The following LYRM4 variants were observed in gnomAD, a reference collection of about 807,000 sequenced individuals.
LYRM4 encodes the protein LYR motif-containing protein 4.
Under a neutral mutation model 11.7 loss-of-function variants are expected in LYRM4, and 9 were observed. That is an observed-to-expected ratio of 0.77 (90% confidence interval 0.46 to 1.34). LYRM4 has a LOEUF of 1.34. Ranked by LOEUF, LYRM4 falls within the 40% of genes most tolerant of loss-of-function variation. The pLI, the probability that LYRM4 is intolerant of heterozygous loss-of-function variation, is 0.00. For missense variants in LYRM4, 133 were observed against 112.5 expected (o/e 1.18, Z -0.82); for synonymous variants, 42 against 40.4 (o/e 1.04, Z -0.15).
chr6:5,034,808 G>A, the LYRM4 span: 1 of 94,656 alleles, frequency 1.1e-5, no homozygotes, highest in African/African-American at 3.6e-5. Flanking sequence ...GAGTCTGAAA[G>A]CCAAAGAAGT....
rs566026777 is a variant in LYRM4, at chr6:5,130,148, C to T, written c.208-20657G>A. 4.6e-5 allele frequency among the ~76,000 whole-genome samples: 7 copies of T among 152,322 alleles called. No individual in the cohort carries two copies. In the South Asian group the frequency reaches 1.0e-3, roughly 23 times the overall value. ...TATGCTTCCCCTGTTCCCACCCCAG[C>T]GCTGGGGGAGACACTGGTGTGAGTG... On this transcript the variant is annotated intron_variant, in intron 2 of 2. Coordinates refer to ENST00000330636, the MANE Select transcript of LYRM4 (RefSeq NM_020408.6).
At chr6:5,037,764 G>A in the LYRM4 span, among the ~76,000 whole-genome samples, 2 of 57,932 alleles carry the variant, frequency 3.5e-5, no homozygotes, top group African/African-American at 8.9e-5. Context: ...AGGGGCGGCC[G>A]GGCAGAGGCG....
chr6:5,152,669 T>C (rs1339037522), intron 2 of LYRM4, among the ~76,000 whole-genome samples: 1 of 152,236 alleles, frequency 6.6e-6, no homozygotes, highest in East Asian at 1.9e-4. Flanking sequence ...GTGCCTGAGC[T>C]GATGCCTAGC....
intron 1 of LYRM4, among the ~76,000 whole-genome samples, chr6:5,217,957 CCAGG>C (rs1762370639): frequency 6.6e-6 from 1 of 152,022 alleles, no homozygotes; most frequent in Non-Finnish European, 1.5e-5. Flanking sequence ...CCTCTGTTGC[CCAGG>C]CAGTGTCATG....
intron 2 of LYRM4, among the ~76,000 whole-genome samples, chr6:5,164,573 TGGA>T (rs1178223604): frequency 6.6e-6 from 1 of 152,118 alleles, no homozygotes; most frequent in African/African-American, 2.4e-5. Flanking sequence ...TGATTGGTGG[TGGA>T]GTATAGTGAC....
chr6:5,073,611 A>G, the LYRM4 span, among the ~76,000 whole-genome samples: 100,639 of 147,840 alleles, frequency 0.68, 34,829 homozygotes, highest in East Asian at 0.89. Context: ...TGTATAATAT[A>G]TAATCCTATA....
At chr6:5,225,304 G>C (rs925768645) in intron 1 of LYRM4, among the ~76,000 whole-genome samples, 2 of 144,404 alleles carry the variant, frequency 1.4e-5, no homozygotes, top group African/African-American at 5.1e-5. Context: ...AGGTAAAAAA[G>C]ATGTAAGGTG....
At chr6:5,174,579 A>G (rs1298220510) in intron 2 of LYRM4, among the ~76,000 whole-genome samples, 2 of 152,126 alleles carry the variant, frequency 1.3e-5, no homozygotes, top group Non-Finnish European at 2.9e-5. Context: ...TTATAAACTT[A>G]ATGGTTACTT....
At chr6:5,221,912 T>C (rs182254346) in intron 1 of LYRM4, among the ~76,000 whole-genome samples, 1 of 152,292 alleles carries the variant, frequency 6.6e-6, no homozygotes, top group African/African-American at 2.4e-5. Flanking sequence ...CTTCTCCAAC[T>C]CCTCAGCCCC....
chr6:5,189,027 C>G (rs1284549961), intron 2 of LYRM4, among the ~76,000 whole-genome samples: 1 of 152,196 alleles, frequency 6.6e-6, no homozygotes, highest in Non-Finnish European at 1.5e-5. Context: ...TCCCAAAGTG[C>G]TGTGATTACA....
chr6:5,034,472 T>C, the LYRM4 span: 1 of 152,264 alleles, frequency 6.6e-6, no homozygotes, highest in Non-Finnish European at 1.5e-5. Context: ...CATGAATGGC[T>C]TGGAGTCATC....
intron 2 of LYRM4, chr6:5,144,131 T>G (rs1312083814): frequency 6.5e-7 from 1 of 1,536,252 alleles, no homozygotes; most frequent in East Asian, 2.4e-5. Flanking sequence ...ATAGTCAGAA[T>G]GCTCACCAGC....
chr6:5,054,597 C>T, the LYRM4 span, among the ~76,000 whole-genome samples: 1 of 152,208 alleles, frequency 6.6e-6, no homozygotes, highest in East Asian at 1.9e-4. Flanking sequence ...CTCTAAGCGC[C>T]CCCAACCAAC....
At chr6:5,072,809 A>T in the LYRM4 span, among the ~76,000 whole-genome samples, 1 of 152,172 alleles carries the variant, frequency 6.6e-6, no homozygotes, top group South Asian at 2.1e-4. Context: ...AGCTTTTCTA[A>T]TTATAGGTGA....
chr6:5,253,324 A>C (rs1348132922), intron 1 of LYRM4, among the ~76,000 whole-genome samples: 7 of 152,198 alleles, frequency 4.6e-5, no homozygotes, highest in Admixed American at 3.9e-4. Context: ...GTTGGTGCAA[A>C]AGGAATGCAG....
chr6:5,157,001 G>C (rs528012425), intron 2 of LYRM4, among the ~76,000 whole-genome samples: 1 of 152,196 alleles, frequency 6.6e-6, no homozygotes, highest in South Asian at 2.1e-4. Flanking sequence ...GTTTTTCCTG[G>C]TAAGTAAGAA....
intron 2 of LYRM4, among the ~76,000 whole-genome samples, chr6:5,156,560 C>T (rs1024933792): frequency 1.3e-5 from 2 of 152,264 alleles, no homozygotes; most frequent in Admixed American, 6.5e-5. Flanking sequence ...GTGGAATGGC[C>T]GGGGCTGCCC....
chr6:5,174,062 T>C (rs1001727752), intron 2 of LYRM4, among the ~76,000 whole-genome samples: 31 of 152,230 alleles, frequency 2.0e-4, no homozygotes, highest in Admixed American at 3.9e-4. Flanking sequence ...TGCAACCCAG[T>C]GTGCAAAGTG....
chr6:5,225,109 G>A (rs1329050591), intron 1 of LYRM4, among the ~76,000 whole-genome samples: 2 of 152,048 alleles, frequency 1.3e-5, no homozygotes, highest in African/African-American at 4.8e-5. Flanking sequence ...TTAGCTGGGC[G>A]TGGTGGTGGG....
Sources: gnomAD v4.1 joint callset for allele counts (sites outside exome capture counted in the v4.1 genomes callset) on GRCh38, gnomAD v4.1.1 for gene constraint, MANE v1.5 for transcripts, NCBI Gene and HGNC (gene_info 2026-07-23, HGNC 2026-07-21) for gene names.